The following MACROD2 variants were observed in gnomAD, a reference collection of about 807,000 sequenced individuals.
MACROD2 encodes mono-ADP ribosylhydrolase 2, also known as ADP-ribose glycohydrolase MACROD2.
A neutral mutation model predicts 70.4 loss-of-function variants in MACROD2; 36 were observed. The observed-to-expected ratio is 0.51, with a 90% confidence interval of 0.39 to 0.68. MACROD2 has a LOEUF of 0.68. MACROD2 is among the 30% of genes least tolerant of loss of function. The pLI is 0.00. For missense variants in MACROD2, 496 were observed against 538.4 expected (o/e 0.92, Z 0.78); for synonymous variants, 172 against 178.8 (o/e 0.96, Z 0.30).
chr20:16,003,845 A>T (rs1025272370), intron 15 of MACROD2, among the ~76,000 whole-genome samples: 13 of 152,102 alleles, frequency 8.5e-5, no homozygotes, highest in African/African-American at 2.7e-4. Flanking sequence ...TAATTTTTGT[A>T]TTTTTAGCAG....
chr20:14,303,098 G>C (rs557814228), intron 3 of MACROD2, among the ~76,000 whole-genome samples: 1 of 152,266 alleles, frequency 6.6e-6, no homozygotes, highest in African/African-American at 2.4e-5. Flanking sequence ...CACTTACTAT[G>C]GCTTATATTT....
intron 8 of MACROD2, among the ~76,000 whole-genome samples, chr20:15,836,441 T>C (rs1253019781): frequency 6.6e-6 from 1 of 152,186 alleles, no homozygotes; most frequent in African/African-American, 2.4e-5. Flanking sequence ...GGGATGTTTT[T>C]TCCTTTATTC....
intron 3 of MACROD2, among the ~76,000 whole-genome samples, chr20:14,343,181 T>G (rs905781463): frequency 1.3e-5 from 2 of 151,758 alleles, no homozygotes; most frequent in Admixed American, 1.3e-4. Context: ...GTCAAAGCTG[T>G]GTCCTTGACC....
intron 5 of MACROD2, among the ~76,000 whole-genome samples, chr20:14,985,889 T>A (rs568849548): frequency 6.6e-6 from 1 of 152,258 alleles, no homozygotes; most frequent in East Asian, 1.9e-4. Flanking sequence ...TCTTTTCACC[T>A]GGTCCTTCCA....
intron 3 of MACROD2, among the ~76,000 whole-genome samples, chr20:14,451,541 T>C (rs2084245042): frequency 6.6e-6 from 1 of 152,176 alleles, no homozygotes; most frequent in Non-Finnish European, 1.5e-5. Flanking sequence ...ATGCAGAACA[T>C]GTGCCTTGGG....
chr20:14,313,937 G>C (rs116284027), intron 3 of MACROD2, among the ~76,000 whole-genome samples: 97 of 152,220 alleles, frequency 6.4e-4, no homozygotes, highest in African/African-American at 2.2e-3. Flanking sequence ...ACATGTACCT[G>C]GCTGTTAACA....
At chr20:14,023,600 G>A (rs1358234492) in intron 2 of MACROD2, among the ~76,000 whole-genome samples, 1 of 152,160 alleles carries the variant, frequency 6.6e-6, no homozygotes. Context: ...AAGGGGTCCA[G>A]TTTCAGTTTT....
rs563763962 is a variant in MACROD2, at chr20:14,813,699, C to T, written c.418+128740C>T. Among the ~76,000 whole-genome samples the T allele has an allele frequency of 1.8e-4, 27 of 152,134 alleles. 1 individual carries two copies. The South Asian group carries it at 5.6e-3, about 32-fold the overall frequency. On this transcript the variant is annotated intron_variant, in intron 5 of 17. Coordinates refer to ENST00000684519, the MANE Select transcript of MACROD2 (RefSeq NM_001351661.2). ...CCATGCCCTCCCTGAGTGTGCCACT[C>T]TCCATATACCTCCATACATTCATCA...
At chr20:15,607,572 C>T (rs956754550) in intron 8 of MACROD2, among the ~76,000 whole-genome samples, 2 of 152,222 alleles carry the variant, frequency 1.3e-5, no homozygotes, top group Non-Finnish European at 2.9e-5. Flanking sequence ...CTCCTTCTGT[C>T]ACCCAGGCTG....
At chr20:15,139,896 A>C (rs1408421396) in intron 5 of MACROD2, among the ~76,000 whole-genome samples, 2 of 152,182 alleles carry the variant, frequency 1.3e-5, no homozygotes, top group Non-Finnish European at 2.9e-5. Context: ...CCTTCTGGTG[A>C]CCAGGGAATA....
intron 8 of MACROD2, among the ~76,000 whole-genome samples, chr20:15,849,523 A>G (rs2064272795): frequency 6.6e-6 from 1 of 152,194 alleles, no homozygotes; most frequent in South Asian, 2.1e-4. Context: ...GACTTGGCAT[A>G]GCATTCTCAT....
chr20:15,373,600 A>G (rs2045522593), intron 6 of MACROD2, among the ~76,000 whole-genome samples: 1 of 152,026 alleles, frequency 6.6e-6, no homozygotes, highest in South Asian at 2.1e-4. Flanking sequence ...ATGGGGTCTC[A>G]CTTTGTTGCC....
intron 8 of MACROD2, among the ~76,000 whole-genome samples, chr20:15,827,992 C>T (rs1196471373): frequency 1.3e-5 from 2 of 152,162 alleles, no homozygotes; most frequent in African/African-American, 4.8e-5. Context: ...AATCTTTGTA[C>T]ATTACCAGAG....
chr20:15,898,595 C>A (rs1041105753), intron 10 of MACROD2, among the ~76,000 whole-genome samples: 9 of 149,342 alleles, frequency 6.0e-5, no homozygotes, highest in Non-Finnish European at 5.9e-5. Context: ...ACGTCCCAGA[C>A]CTTCTGAATC....
intron 3 of MACROD2, among the ~76,000 whole-genome samples, chr20:14,416,957 A>T (rs1397254816): frequency 6.6e-6 from 1 of 152,176 alleles, no homozygotes; most frequent in African/African-American, 2.4e-5. Context: ...GTTTGGCTTC[A>T]AAAACTTTTA....
At chr20:14,298,847 A>G (rs758143165) in intron 3 of MACROD2, among the ~76,000 whole-genome samples, 7 of 152,196 alleles carry the variant, frequency 4.6e-5, no homozygotes, top group Non-Finnish European at 8.8e-5. Context: ...GAGAACTAGA[A>G]CTAGAAGTGT....
intron 5 of MACROD2, among the ~76,000 whole-genome samples, chr20:14,756,211 T>G (rs2071938465): frequency 6.6e-6 from 1 of 152,160 alleles, no homozygotes; most frequent in Non-Finnish European, 1.5e-5. Context: ...GTCAAGCTTT[T>G]TTTTCATATC....
chr20:14,447,498 C>T (rs770000826), intron 3 of MACROD2, among the ~76,000 whole-genome samples: 14 of 151,598 alleles, frequency 9.2e-5, no homozygotes, highest in Non-Finnish European at 1.5e-4. Flanking sequence ...TGTACGTACA[C>T]GTGTGTGTGT....
chr20:14,426,077 G>C (rs973502773), intron 3 of MACROD2, among the ~76,000 whole-genome samples: 1 of 152,008 alleles, frequency 6.6e-6, no homozygotes, highest in Non-Finnish European at 1.5e-5. Flanking sequence ...ATTTCTATCC[G>C]TTGTAATAAG....
Sources: allele counts gnomAD v4.1 joint callset (sites outside exome capture counted in the v4.1 genomes callset), GRCh38; gene constraint gnomAD v4.1.1; transcripts MANE v1.5; gene names NCBI Gene and HGNC (gene_info 2026-07-23, HGNC 2026-07-21).